Variants in PAFAH1B1 observed in about 807,000 individuals in gnomAD.
PAFAH1B1 encodes the protein platelet-activating factor acetylhydrolase IB subunit beta.
In PAFAH1B1, 2 loss-of-function variants were observed where a neutral mutation model predicts 57.5. The ratio of observed to expected loss-of-function variants is 0.03; its 90% CI spans 0.01 to 0.11. The LOEUF (loss-of-function observed/expected upper bound fraction) is 0.11, where lower values mean the gene tolerates loss of function less well. Among genes scored for constraint, PAFAH1B1 ranks in the 10% least tolerant of loss-of-function variants. The probability of loss-of-function intolerance (pLI) is 1.00; values close to 1 mark genes in which losing one functional copy is unlikely to be tolerated. For missense variants in PAFAH1B1, 257 were observed against 512.0 expected, an observed-to-expected ratio of 0.50 and a Z score of 4.81; for synonymous variants, 152 against 169.6, an observed-to-expected ratio of 0.90 and a Z score of 0.81.
At chr17:2,652,826 T>TA (rs2068881661) in intron 2 of PAFAH1B1, among the ~76,000 whole-genome samples, 1 of 152,204 alleles carries the variant, frequency 6.6e-6, no homozygotes, top group East Asian at 1.9e-4. Flanking sequence ...GGTGGGACTG[T>TA]AAACTAGTTC....
chr17:2,617,408 C>G (rs907435846), intron 1 of PAFAH1B1, among the ~76,000 whole-genome samples: 16 of 152,116 alleles, frequency 1.1e-4, no homozygotes, highest in African/African-American at 3.6e-4. Context: ...TTAGCTGTAA[C>G]TAATAGAAAA....
chr17:2,679,045 C>T (rs898644502), intron 9 of PAFAH1B1, among the ~76,000 whole-genome samples: 6 of 152,156 alleles, frequency 3.9e-5, no homozygotes, highest in Non-Finnish European at 5.9e-5. Flanking sequence ...TTAAAGTAGG[C>T]GTACATGGAC....
intron 1 of PAFAH1B1, among the ~76,000 whole-genome samples, chr17:2,632,775 T>C (rs1283954526): frequency 6.6e-6 from 1 of 152,198 alleles, no homozygotes; most frequent in African/African-American, 2.4e-5. Context: ...TAGGGGAAGA[T>C]ATGCATAGGT....
At chr17:2,626,856 AT>A (rs2068500716) in intron 1 of PAFAH1B1, among the ~76,000 whole-genome samples, 1 of 151,754 alleles carries the variant, frequency 6.6e-6, no homozygotes, top group Non-Finnish European at 1.5e-5. Context: ...CCTGGGTGCA[AT>A]TTTTTATATG....
rs1324576336 is a variant in PAFAH1B1 at position 2,685,026 on chromosome 17, G to C, written c.*3224G>C. On this transcript the variant is annotated 3_prime_UTR_variant, in exon 11 of 11. Coordinates refer to ENST00000397195, the MANE Select transcript of PAFAH1B1 (RefSeq NM_000430.4). ...AGCAACTGAAGTTAAAATTGTTGAA[G>C]GAAAAGGCACTTAAATTGGTTACTT... The C allele has an allele frequency of 6.6e-6, 1 of 152,090 alleles. No individual in the cohort carries two copies. The highest frequency in any genetic ancestry group is 2.4e-5 in the African/African-American group (1 of 41,388). The allele number at this position is 152,090 out of a possible 1,614,324, so 9.4% of individuals were successfully genotyped here.
intron 1 of PAFAH1B1, among the ~76,000 whole-genome samples, chr17:2,623,266 T>C (rs796938157): frequency 0.012 from 1,742 of 145,598 alleles, 32 homozygotes; most frequent in African/African-American, 0.043. Flanking sequence ...CCTTTCTTTT[T>C]TTTTTTTTTT....
intron 6 of PAFAH1B1, among the ~76,000 whole-genome samples, chr17:2,671,068 C>G (rs1039082761): frequency 6.6e-6 from 1 of 152,196 alleles, no homozygotes; most frequent in East Asian, 1.9e-4. Flanking sequence ...GTACAAGGAA[C>G]ACGTTAACAC....
At chr17:2,661,684 C>T (rs2069015694) in intron 2 of PAFAH1B1, among the ~76,000 whole-genome samples, 1 of 152,162 alleles carries the variant, frequency 6.6e-6, no homozygotes, top group African/African-American at 2.4e-5. Context: ...GAAAACATCT[C>T]AGTTCATCAG....
intron 2 of PAFAH1B1, among the ~76,000 whole-genome samples, chr17:2,665,058 T>G (rs1567554375): frequency 6.6e-6 from 1 of 152,146 alleles, no homozygotes; most frequent in Non-Finnish European, 1.5e-5. Flanking sequence ...CATAGCTTGA[T>G]CTATAGAGTG....
intron 6 of PAFAH1B1, among the ~76,000 whole-genome samples, chr17:2,672,086 T>C (rs968621183): frequency 6.6e-6 from 1 of 151,826 alleles, no homozygotes; most frequent in African/African-American, 2.4e-5. Flanking sequence ...GTGAGCAAAA[T>C]ATGGAGACCT....
chr17:2,651,453 G>T (rs1386451062), intron 2 of PAFAH1B1, among the ~76,000 whole-genome samples: 1 of 151,030 alleles, frequency 6.6e-6, no homozygotes, highest in African/African-American at 2.4e-5. Flanking sequence ...GCATGGTGGT[G>T]CCTGCCTGAA....
At chr17:2,658,987 C>T (rs1031443279) in intron 2 of PAFAH1B1, among the ~76,000 whole-genome samples, 3 of 152,168 alleles carry the variant, frequency 2.0e-5, no homozygotes, top group Non-Finnish European at 4.4e-5. Context: ...GACACAGTGG[C>T]TCACACCTGT....
upstream of PAFAH1B1, chr17:2,593,600 G>GGCGGCA: frequency 4.8e-6 from 1 of 210,500 alleles, no homozygotes; most frequent in Middle Eastern, 1.9e-3. Context: ...GGGCGGCGGC[G>GGCGGCA]GCGGCGGCGG....
rs1175805053 is a variant in PAFAH1B1, at chr17:2,684,643, AG to A, written c.*2842del. The A allele has an allele frequency of 1.3e-5, 2 of 152,660 alleles. No homozygotes were observed. Among genetic ancestry groups the A allele is most frequent in the Admixed American group, 1.3e-4 (2 of 15,282 alleles). The allele number at this position is 152,660 out of a possible 1,614,324, so 9.5% of individuals were successfully genotyped here. A position where few individuals can be genotyped will look rare whatever the true frequency, so the allele number is the denominator to read the frequency against. On this transcript the variant is annotated 3_prime_UTR_variant, in exon 11 of 11. Coordinates refer to ENST00000397195, the MANE Select transcript of PAFAH1B1 (RefSeq NM_000430.4). ...GGAGACTGGTTTAGACACCGCGTGG[AG>A]CCTAGTTGCCTGTTGTCACGGCATC...
At chr17:2,607,466 C>A (rs1256844396) in intron 1 of PAFAH1B1, among the ~76,000 whole-genome samples, 1 of 151,754 alleles carries the variant, frequency 6.6e-6, no homozygotes, top group Non-Finnish European at 1.5e-5. Flanking sequence ...TGAGCCACCA[C>A]GCCTGGCCTT....
chr17:2,601,721 C>G (rs1282756321), intron 1 of PAFAH1B1, among the ~76,000 whole-genome samples: 1 of 152,134 alleles, frequency 6.6e-6, no homozygotes, highest in Non-Finnish European at 1.5e-5. Flanking sequence ...GGATTACAGG[C>G]ATGCACCACG....
At position 2,684,747 on chromosome 17, in the gene PAFAH1B1, C is replaced by G. The variant is rs186646353; in HGVS notation, c.*2945C>G. 8.3e-4 allele frequency: 126 copies of G among 152,692 alleles called. 1 individual carries two copies. The highest frequency in any genetic ancestry group is 2.9e-3 in the African/African-American group (119 of 41,548). The allele number at this position is 152,692 out of a possible 1,614,324, so 9.5% of individuals were successfully genotyped here. Reference sequence around the variant, plus strand: ...AATGGTGTGCCCAGAGCACTACTCTCAAAATCACTAGTGTTAGCAAGTCGT... The same window carrying G: ...AATGGTGTGCCCAGAGCACTACTCTGAAAATCACTAGTGTTAGCAAGTCGT... On this transcript the variant is annotated 3_prime_UTR_variant, in exon 11 of 11. Transcript: ENST00000397195.
chr17:2,600,420 A>G lies in PAFAH1B1; in HGVS notation c.-191+6414A>G, dbSNP rs542459128. On this transcript the variant is annotated intron_variant, in intron 1 of 10. Coordinates refer to ENST00000397195, the MANE Select transcript of PAFAH1B1 (RefSeq NM_000430.4). ...CCCTGTCTCTACTAAAAATACAAAA[A>G]TTAGCCAGGTGTGGTGGTGGGTGCC... Among the ~76,000 whole-genome samples, 824 of 151,728 alleles carry G rather than the reference A, an allele frequency of 5.4e-3. 6 individuals are homozygous for G. The highest frequency in any genetic ancestry group is 0.016 in the South Asian group (79 of 4,790).
In PAFAH1B1 at chr17:2,680,200, C is replaced by A; in HGVS notation, c.1039C>A (p.His347Asn). 6.2e-7 allele frequency: 1 copy of A among 1,614,062 alleles called. No homozygotes were observed. Among genetic ancestry groups the A allele is most frequent in the Non-Finnish European group, 8.5e-7 (1 of 1,179,996 alleles). ...HDNWVRGVLF[H>N]SGGKFILSCA... ...TAACTGGGTACGTGGAGTTCTGTTC[C>A]ATTCTGGGGGGAAGTTTATTTTGAG... Residue 347 changes from histidine (H) to asparagine (N), a missense_variant, in exon 10 of 11, where the codon CAT (histidine) becomes AAT (asparagine). Coordinates refer to ENST00000397195, the MANE Select transcript of PAFAH1B1 (RefSeq NM_000430.4).
Sources: gnomAD v4.1 joint callset for allele counts (sites outside exome capture counted in the v4.1 genomes callset) on GRCh38, gnomAD v4.1.1 for gene constraint, MANE v1.5 for transcripts, NCBI Gene and HGNC (gene_info 2026-07-23, HGNC 2026-07-21) for gene names.